Variants in CTNNA2 observed in about 807,000 individuals in gnomAD.
The protein encoded by CTNNA2 is catenin alpha-2.
CTNNA2 carries 42 observed loss-of-function variants against 101.0 expected under a neutral mutation model. The observed-to-expected ratio is 0.42, with a 90% CI of 0.32 to 0.54. The LOEUF is 0.54. CTNNA2 is among the 20% of genes least tolerant of loss of function. The pLI, the probability that CTNNA2 is intolerant of heterozygous loss-of-function variation, is 0.14. For synonymous variants in CTNNA2, 450 were observed against 456.4 expected, an observed-to-expected ratio of 0.99 and a Z score of 0.18; for missense variants, 871 against 1,223.1, an observed-to-expected ratio of 0.71 and a Z score of 4.29.
intron 18 of CTNNA2, among the ~76,000 whole-genome samples, chr2:80,628,805 G>T (rs1343954441): frequency 1.3e-5 from 2 of 152,046 alleles, no homozygotes; most frequent in African/African-American, 4.8e-5. Context: ...GCCAATGAAG[G>T]CTTTGAGTGG....
intron 2 of CTNNA2, among the ~76,000 whole-genome samples, chr2:79,709,312 T>G (rs1310823901): frequency 6.6e-6 from 1 of 151,986 alleles, no homozygotes; most frequent in Admixed American, 6.6e-5. Context: ...AAAATTACTA[T>G]GAAAAGAGAC....
intron 2 of CTNNA2, among the ~76,000 whole-genome samples, chr2:79,301,568 C>T (rs10520235): frequency 0.099 from 15,130 of 152,204 alleles, 843 homozygotes; most frequent in East Asian, 0.19. Flanking sequence ...GCTAATGTCT[C>T]TGGACTCCAT....
chr2:79,984,479 G>A (rs1691619865), intron 7 of CTNNA2, among the ~76,000 whole-genome samples: 1 of 152,060 alleles, frequency 6.6e-6, no homozygotes, highest in African/African-American at 2.4e-5. Context: ...TCTTTACAAG[G>A]CATCCTTTTC....
At chr2:79,863,752 GC>G (rs1271355217) in intron 4 of CTNNA2, among the ~76,000 whole-genome samples, 13 of 152,138 alleles carry the variant, frequency 8.5e-5, no homozygotes, top group African/African-American at 3.1e-4. Context: ...ACCCTACCAG[GC>G]CTGAGATCCA....
At chr2:79,823,558 C>G (rs1201681286) in intron 3 of CTNNA2, among the ~76,000 whole-genome samples, 1 of 151,994 alleles carries the variant, frequency 6.6e-6, no homozygotes, top group Non-Finnish European at 1.5e-5. Flanking sequence ...GACAACCAAC[C>G]CATCACATGG....
At chr2:79,338,600 T>TCTTCTC (rs1677057577) in intron 3 of CTNNA2, among the ~76,000 whole-genome samples, 1 of 145,944 alleles carries the variant, frequency 6.9e-6, no homozygotes, top group South Asian at 2.3e-4. Context: ...TTCTTCTTCT[T>TCTTCTC]CTTCTTCTTC....
chr2:79,810,526 CTT>C (rs58252886), intron 3 of CTNNA2, among the ~76,000 whole-genome samples: 28,134 of 143,144 alleles, frequency 0.2, 3,082 homozygotes, highest in African/African-American at 0.32. Flanking sequence ...CTTTTCTTTT[CTT>C]TTTTTTTTTT....
At chr2:80,077,733 T>A (rs1038296280) in intron 7 of CTNNA2, among the ~76,000 whole-genome samples, 11 of 152,182 alleles carry the variant, frequency 7.2e-5, no homozygotes, top group African/African-American at 1.4e-4. Flanking sequence ...TATAATTTTT[T>A]AAAAATATCC....
At chr2:79,349,128 T>C (rs2104436714) in intron 3 of CTNNA2, among the ~76,000 whole-genome samples, 1 of 152,342 alleles carries the variant, frequency 6.6e-6, no homozygotes, top group African/African-American at 2.4e-5. Context: ...ATAGGCTTCT[T>C]TGCATATTCT....
intron 1 of CTNNA2, among the ~76,000 whole-genome samples, chr2:79,550,146 G>C (rs1441575411): frequency 6.6e-6 from 1 of 152,156 alleles, no homozygotes; most frequent in African/African-American, 2.4e-5. Flanking sequence ...GTGAAATTCT[G>C]TTTCTAACTA....
At chr2:79,632,753 G>A (rs924065219) in intron 1 of CTNNA2, among the ~76,000 whole-genome samples, 2 of 152,170 alleles carry the variant, frequency 1.3e-5, no homozygotes, top group African/African-American at 2.4e-5. Flanking sequence ...CATCCAAAAT[G>A]GCCCCTGGAA....
At position 80,153,573 on chromosome 2, in the gene CTNNA2, T is replaced by C. The variant is rs576773912; in HGVS notation, c.1057-239638T>C. On this transcript the variant is annotated intron_variant, in intron 7 of 18. Transcript: ENST00000402739. ...TTTGCATCAGATCAGCTCCCTCTTC[T>C]TCCTCACTGCTCCTTCTTTTCCTGA... 2.6e-5 allele frequency among the ~76,000 whole-genome samples: 4 copies of C among 152,314 alleles called. No individual in the cohort carries two copies. The South Asian group carries it at 8.3e-4, about 32-fold the overall frequency.
At chr2:79,800,416 C>T (rs959256810) in intron 3 of CTNNA2, among the ~76,000 whole-genome samples, 4 of 152,262 alleles carry the variant, frequency 2.6e-5, no homozygotes, top group East Asian at 1.9e-4. Context: ...ACATTGACTT[C>T]CTTGTCTTAT....
rs537938176 is a variant in CTNNA2 at position 79,865,783 on chromosome 2, G to A, written c.466-4033G>A. Among the ~76,000 whole-genome samples the A allele has an allele frequency of 4.6e-5, 7 of 152,308 alleles. No homozygotes were observed. The East Asian group carries it at 1.4e-3, about 29-fold the overall frequency. On this transcript the variant is annotated intron_variant, in intron 4 of 18. Transcript: ENST00000402739. ...CGCCCAGGCTGGAGTGCAGTGGCGC[G>A]ATCTCGGCTCACTGCAAGCTCCGCC... is the stretch of plus-strand genomic sequence containing the variant.
intron 2 of CTNNA2, among the ~76,000 whole-genome samples, chr2:79,220,747 C>T (rs574418578): frequency 5.3e-5 from 8 of 152,218 alleles, no homozygotes; most frequent in African/African-American, 1.9e-4. Flanking sequence ...TCATAGAAAT[C>T]AATAAGTTAT....
At chr2:79,742,963 C>G (rs1357436673) in intron 2 of CTNNA2, among the ~76,000 whole-genome samples, 1 of 152,078 alleles carries the variant, frequency 6.6e-6, no homozygotes. Flanking sequence ...TCAGTGTTAT[C>G]TCTTTCTCTA....
intron 7 of CTNNA2, among the ~76,000 whole-genome samples, chr2:80,025,477 C>A (rs991171116): frequency 6.6e-6 from 1 of 152,110 alleles, no homozygotes; most frequent in Admixed American, 6.5e-5. Context: ...TAATGAGATG[C>A]GAGAAGACAT....
chr2:79,403,943 T>TA (rs1678314664), intron 4 of CTNNA2, among the ~76,000 whole-genome samples: 1 of 151,992 alleles, frequency 6.6e-6, no homozygotes, highest in African/African-American at 2.4e-5. Flanking sequence ...TCCAAACTGA[T>TA]ACGATACAAA....
chr2:80,134,180 A>T (rs1286251972), intron 7 of CTNNA2, among the ~76,000 whole-genome samples: 1 of 152,190 alleles, frequency 6.6e-6, no homozygotes, highest in African/African-American at 2.4e-5. Context: ...TAACTTGAAT[A>T]CAGGACTTGT....
Sources: gnomAD v4.1 joint callset for allele counts (sites outside exome capture counted in the v4.1 genomes callset) on GRCh38, gnomAD v4.1.1 for gene constraint, MANE v1.5 for transcripts, NCBI Gene and HGNC (gene_info 2026-07-23, HGNC 2026-07-21) for gene names.